Variants in AGBL4 observed in about 807,000 individuals in gnomAD.
AGBL4 encodes cytosolic carboxypeptidase 6.
A neutral mutation model predicts 66.4 loss-of-function variants in AGBL4; 58 were observed. The ratio of observed to expected loss-of-function variants is 0.87; its 90% confidence interval spans 0.71 to 1.09. AGBL4 has a LOEUF of 1.09. AGBL4 is among the 50% of genes least tolerant of loss of function. The pLI is 0.00. For missense variants in AGBL4, 579 were observed against 631.0 expected (o/e 0.92, Z 0.88); for synonymous variants, 234 against 222.9 (o/e 1.05, Z -0.44).
chr1:49,073,823 C>A (rs1375717454), intron 4 of AGBL4, among the ~76,000 whole-genome samples: 1 of 152,310 alleles, frequency 6.6e-6, no homozygotes, highest in South Asian at 2.1e-4. Context: ...CAGACAGGAA[C>A]ATTTAAGTCT....
At chr1:49,752,825 G>T (rs902376107) in intron 2 of AGBL4, among the ~76,000 whole-genome samples, 1 of 152,136 alleles carries the variant, frequency 6.6e-6, no homozygotes, top group Non-Finnish European at 1.5e-5. Flanking sequence ...ATTATGTAAT[G>T]CCCTTCTTTG....
chr1:48,741,553 T>C (rs1430531804), intron 6 of AGBL4, among the ~76,000 whole-genome samples: 1 of 152,230 alleles, frequency 6.6e-6, no homozygotes, highest in Admixed American at 6.5e-5. Context: ...CAGTGGGAGA[T>C]GCAGGGAACG....
intron 3 of AGBL4, among the ~76,000 whole-genome samples, chr1:49,547,361 T>G (rs1221580788): frequency 1.3e-5 from 2 of 152,226 alleles, no homozygotes; most frequent in East Asian, 3.9e-4. Flanking sequence ...CATTGGCCTA[T>G]GTACCTATTT....
intron 6 of AGBL4, among the ~76,000 whole-genome samples, chr1:48,814,440 T>A (rs1646127732): frequency 6.6e-6 from 1 of 152,114 alleles, no homozygotes; most frequent in South Asian, 2.1e-4. Flanking sequence ...CATCTCACAC[T>A]TATTTCTTTG....
chr1:49,364,788 C>T (rs1300867964), intron 3 of AGBL4, among the ~76,000 whole-genome samples: 1 of 152,144 alleles, frequency 6.6e-6, no homozygotes, highest in African/African-American at 2.4e-5. Context: ...CATGTGCGTA[C>T]TTTTACTTAA....
At chr1:49,748,820 C>T (rs767878698) in intron 2 of AGBL4, among the ~76,000 whole-genome samples, 11 of 151,878 alleles carry the variant, frequency 7.2e-5, no homozygotes, top group Non-Finnish European at 1.3e-4. Context: ...GAGAAGTGTC[C>T]GTTCATATCC....
chr1:49,426,853 G>A (rs1645671125), intron 3 of AGBL4, among the ~76,000 whole-genome samples: 1 of 152,096 alleles, frequency 6.6e-6, no homozygotes, highest in Non-Finnish European at 1.5e-5. Context: ...TGCTACAGTA[G>A]GCTACTATCT....
intron 6 of AGBL4, among the ~76,000 whole-genome samples, chr1:48,757,530 C>A (rs541035932): frequency 6.6e-6 from 1 of 152,228 alleles, no homozygotes; most frequent in East Asian, 1.9e-4. Flanking sequence ...AGAGTTGAGA[C>A]AGAACTCTAC....
At position 48,802,638 on chromosome 1, in the gene AGBL4, C is replaced by T. The variant is rs148476055; in HGVS notation, c.634+64553G>A. Among the ~76,000 whole-genome samples the T allele has an allele frequency of 7.0e-3, 1,073 of 152,236 alleles. 8 individuals are homozygous for T. Among genetic ancestry groups the T allele is most frequent in the Non-Finnish European group, 0.012 (792 of 68,018 alleles). The stretch of plus-strand genomic sequence containing the variant: ...ACATGCATAATGTCATTTCATTCTC[C>T]TAATAGCACTGGACCACTCAGCATG... On this transcript the variant is annotated intron_variant, in intron 6 of 13. Transcript: ENST00000371839.
chr1:49,740,786 G>T (rs1476661433), intron 2 of AGBL4, among the ~76,000 whole-genome samples: 1 of 152,178 alleles, frequency 6.6e-6, no homozygotes, highest in East Asian at 1.9e-4. Context: ...TGAACAAACT[G>T]CTCCTGAACG....
intron 3 of AGBL4, among the ~76,000 whole-genome samples, chr1:49,362,449 CAAAAAAAAAA>C (rs145467066): frequency 2.5e-5 from 2 of 80,914 alleles, no homozygotes; most frequent in Admixed American, 2.8e-4. Flanking sequence ...GACCCTGTCT[CAAAAAAAAAA>C]AAAAAAAAAA....
intron 4 of AGBL4, among the ~76,000 whole-genome samples, chr1:49,092,251 A>G (rs1645015924): frequency 6.6e-6 from 1 of 152,182 alleles, no homozygotes; most frequent in Admixed American, 6.5e-5. Flanking sequence ...GAGAACTCTG[A>G]CTACTACAAA....
rs146341897 is a variant in AGBL4 at position 49,402,638 on chromosome 1, A to T, written c.283-156774T>A. ...GCTGGAGTGCAATGGCACCATCTCC[A>T]CTCACTGTAATCTCTGCCTCCTGGG... is the stretch of plus-strand genomic sequence containing the variant. On this transcript the variant is annotated intron_variant, in intron 3 of 13. Coordinates refer to ENST00000371839, the MANE Select transcript of AGBL4 (RefSeq NM_032785.4). 7.6e-3 allele frequency among the ~76,000 whole-genome samples: 1,111 copies of T among 145,696 alleles called. 17 individuals are homozygous for T. The highest frequency in any genetic ancestry group is 0.027 in the African/African-American group (1,075 of 39,448).
Position 49,046,204 on chromosome 1 carries a change from C to G in AGBL4, c.378-404G>C, listed in dbSNP as rs562029012. Reference sequence around the variant, plus strand: ...CAGTAAAATATTAAAAATAAGTAGACAATATAATTACAGATTCTAAAAGTG... The same window carrying G: ...CAGTAAAATATTAAAAATAAGTAGAGAATATAATTACAGATTCTAAAAGTG... On this transcript the variant is annotated intron_variant, in intron 4 of 13. Coordinates refer to ENST00000371839, the MANE Select transcript of AGBL4 (RefSeq NM_032785.4). Among the ~76,000 whole-genome samples, 4 of 152,146 alleles carry G rather than the reference C, an allele frequency of 2.6e-5. No homozygotes were observed. In the South Asian group the frequency reaches 8.3e-4, roughly 32 times the overall value.
At chr1:49,676,794 C>T (rs763610508) in intron 3 of AGBL4, among the ~76,000 whole-genome samples, 4 of 151,862 alleles carry the variant, frequency 2.6e-5, no homozygotes, top group Non-Finnish European at 5.9e-5. Context: ...CATAGAGGGG[C>T]GATATAAATG....
At chr1:48,746,252 C>T (rs1459583281) in intron 6 of AGBL4, among the ~76,000 whole-genome samples, 2 of 152,096 alleles carry the variant, frequency 1.3e-5, no homozygotes, top group African/African-American at 4.8e-5. Context: ...AATAGTCATT[C>T]ACTCCCTCTC....
intron 4 of AGBL4, among the ~76,000 whole-genome samples, chr1:49,161,102 A>G (rs1646532892): frequency 6.6e-6 from 1 of 152,164 alleles, no homozygotes; most frequent in African/African-American, 2.4e-5. Flanking sequence ...AGGGTATGAA[A>G]AAAAAAACTC....
intron 11 of AGBL4, among the ~76,000 whole-genome samples, chr1:48,577,701 A>G (rs35422620): frequency 0.024 from 3,715 of 151,834 alleles, 72 homozygotes; most frequent in Middle Eastern, 0.044. Context: ...CACTGCAGAG[A>G]GAGAGTCTGG....
At chr1:49,101,649 T>C (rs1224501672) in intron 4 of AGBL4, among the ~76,000 whole-genome samples, 1 of 152,112 alleles carries the variant, frequency 6.6e-6, no homozygotes, top group Admixed American at 6.6e-5. Flanking sequence ...AGTAGGGGTG[T>C]GGGTGGGTGG....
Sources: gnomAD v4.1 joint callset for allele counts (sites outside exome capture counted in the v4.1 genomes callset) on GRCh38, gnomAD v4.1.1 for gene constraint, MANE v1.5 for transcripts, NCBI Gene and HGNC (gene_info 2026-07-23, HGNC 2026-07-21) for gene names.